Variants in SCAPER observed in about 807,000 individuals in gnomAD.
SCAPER encodes S phase cyclin A-associated protein in the endoplasmic reticulum.
A neutral mutation model predicts 182.2 loss-of-function variants in SCAPER; 98 were observed. The observed-to-expected ratio is 0.54, with a 90% CI of 0.46 to 0.64. SCAPER has a LOEUF of 0.64. Ranked by LOEUF, SCAPER falls within the 30% of genes least tolerant of loss-of-function variation. The pLI is 0.00. For missense variants in SCAPER, 1,432 were observed against 1,690.0 expected (o/e 0.85, Z 2.68); for synonymous variants, 605 against 564.6 (o/e 1.07, Z -1.01).
chr15:76,564,210 C>T (rs8037847), intron 23 of SCAPER, among the ~76,000 whole-genome samples: 49,260 of 151,788 alleles, frequency 0.32, 8,256 homozygotes, highest in East Asian at 0.55. Context: ...CAAATAGAAA[C>T]GGAGGAAGTC....
At chr15:76,390,120 T>G (rs1244297517) in intron 27 of SCAPER, among the ~76,000 whole-genome samples, 2 of 152,036 alleles carry the variant, frequency 1.3e-5, no homozygotes, top group Non-Finnish European at 2.9e-5. Context: ...CTACACCTGG[T>G]TAAGTTTTTA....
In SCAPER at chr15:76,741,798, A is replaced by C. The variant is rs111417267; in HGVS notation, c.1867-8414T>G. ...CATTATCTGAAATATGGAATTCAGTAAAGCAGTTGGTTTGGGATAAAGGAG... is the reference window on the plus strand; with the variant it reads ...CATTATCTGAAATATGGAATTCAGTCAAGCAGTTGGTTTGGGATAAAGGAG... On this transcript the variant is annotated intron_variant, in intron 15 of 31. Coordinates refer to ENST00000563290, the MANE Select transcript of SCAPER (RefSeq NM_020843.4). Among the ~76,000 whole-genome samples, 314 of 152,268 alleles carry C rather than the reference A, an allele frequency of 2.1e-3. 2 individuals carry two copies. Among genetic ancestry groups the C allele is most frequent in the African/African-American group, 7.3e-3 (304 of 41,572 alleles).
intron 24 of SCAPER, among the ~76,000 whole-genome samples, chr15:76,486,023 T>C (rs1052291327): frequency 4.6e-5 from 7 of 152,070 alleles, no homozygotes; most frequent in East Asian, 1.9e-4. Context: ...CTGGCTAACA[T>C]GGTGAAACCC....
At chr15:76,569,395 G>T (rs1482651286) in intron 23 of SCAPER, among the ~76,000 whole-genome samples, 1 of 152,036 alleles carries the variant, frequency 6.6e-6, no homozygotes, top group Admixed American at 6.6e-5. Context: ...CAACTTTGTT[G>T]TGATATATTA....
At chr15:76,438,724 A>G (rs527912555) in intron 25 of SCAPER, among the ~76,000 whole-genome samples, 2 of 152,302 alleles carry the variant, frequency 1.3e-5, no homozygotes, top group Admixed American at 1.3e-4. Flanking sequence ...GAACAGTCCT[A>G]CTTTCTCACC....
intron 2 of SCAPER, among the ~76,000 whole-genome samples, chr15:76,867,299 G>C (rs1265984843): frequency 6.6e-6 from 1 of 151,976 alleles, no homozygotes; most frequent in African/African-American, 2.4e-5. Flanking sequence ...ATGTTTTTCA[G>C]CTTTCTGAAT....
At chr15:76,433,413 CAGA>C (rs1239599494) in intron 26 of SCAPER, among the ~76,000 whole-genome samples, 1 of 152,096 alleles carries the variant, frequency 6.6e-6, no homozygotes, top group African/African-American at 2.4e-5. Flanking sequence ...GAGGCTGAGG[CAGA>C]AGAATTGCTT....
intron 24 of SCAPER, among the ~76,000 whole-genome samples, chr15:76,488,656 T>C (rs2051909456): frequency 6.6e-6 from 1 of 150,744 alleles, no homozygotes; most frequent in Admixed American, 6.6e-5. Context: ...TAGGAAGGGC[T>C]TGTGGGACCA....
rs769052649 is a variant in SCAPER at position 76,471,317 on chromosome 15, G to T, written c.2973C>A (p.Ile991=). 9 of 1,609,648 alleles carry T rather than the reference G, an allele frequency of 5.6e-6. No homozygotes were observed. Among genetic ancestry groups the T allele is most frequent in the South Asian group, 2.2e-5 (2 of 90,232 alleles). The change falls in exon 25 of 32, where the codon ATC becomes ATA. Residue 991 remains isoleucine (I), a synonymous_variant. Coordinates refer to ENST00000563290, the MANE Select transcript of SCAPER (RefSeq NM_020843.4). Reference sequence around the variant, plus strand: ...TATTGCAGGTGAGGTTGTAAACATTGATTGCATTGCAGAGAGACCTAAAAG... The same window carrying T: ...TATTGCAGGTGAGGTTGTAAACATTTATTGCATTGCAGAGAGACCTAAAAG... ...RIPPKSLCNA[I]NVYNLTCNNC... is the part of the protein sequence containing the mutation.
rs113201871 is a variant in SCAPER at position 76,880,722 on chromosome 15, A to G, written c.6+3090T>C. On this transcript the variant is annotated intron_variant, in intron 2 of 31. Coordinates refer to ENST00000563290, the MANE Select transcript of SCAPER (RefSeq NM_020843.4). ...CTAGGATATATTGCTAAGTGAAAAG[A>G]AAAAAAAAAAACTCCCAAGATACTA... is the stretch of plus-strand genomic sequence containing the variant. Among the ~76,000 whole-genome samples the G allele has an allele frequency of 7.1e-3, 1,000 of 141,540 alleles. 12 individuals carry two copies. The highest frequency in any genetic ancestry group is 0.029 in the African/African-American group (954 of 32,930). The allele number at this position is 141,540 out of a possible 152,430, so 92.9% of individuals were successfully genotyped here.
chr15:76,712,995 G>A (rs1429789388), intron 17 of SCAPER, among the ~76,000 whole-genome samples: 3 of 152,144 alleles, frequency 2.0e-5, no homozygotes, highest in Admixed American at 6.5e-5. Flanking sequence ...AGTGGTGAGA[G>A]AGGGCATCCC....
At chr15:76,670,406 A>G (rs2056927876) in intron 20 of SCAPER, among the ~76,000 whole-genome samples, 2 of 152,148 alleles carry the variant, frequency 1.3e-5, no homozygotes. Context: ...TCATGAATAT[A>G]CCTATTTTGA....
intron 15 of SCAPER, 144 bp downstream of exon 15, chr15:76,753,664 G>T: frequency 2.3e-6 from 2 of 859,830 alleles, no homozygotes; most frequent in Non-Finnish European, 3.4e-6. Context: ...TATTGCACCT[G>T]GTAAGTTTTA....
chr15:76,824,115 G>T (rs2067795800), intron 5 of SCAPER, among the ~76,000 whole-genome samples: 1 of 152,160 alleles, frequency 6.6e-6, no homozygotes, highest in South Asian at 2.1e-4. Flanking sequence ...AACAAGACAA[G>T]CAGCTGGAGC....
At chr15:76,472,265 G>A in intron 24 of SCAPER, 2 of 588,278 alleles carry the variant, frequency 3.4e-6, no homozygotes, top group Non-Finnish European at 6.5e-6. Flanking sequence ...AAAAGAAAAA[G>A]GAAAATGCTG....
At chr15:76,420,204 C>A (rs1284408237) in intron 26 of SCAPER, among the ~76,000 whole-genome samples, 4 of 151,480 alleles carry the variant, frequency 2.6e-5, no homozygotes, top group Non-Finnish European at 5.9e-5. Flanking sequence ...GACGAGGATG[C>A]CCACTTTCAC....
chr15:76,599,357 T>C (rs1297120776), intron 22 of SCAPER, among the ~76,000 whole-genome samples: 1 of 122,074 alleles, frequency 8.2e-6, no homozygotes, highest in Non-Finnish European at 2.0e-5. Context: ...GGTCTCGTGG[T>C]TTCTTATAAA....
chr15:76,803,714 T>C (rs1216765573), intron 6 of SCAPER, among the ~76,000 whole-genome samples: 1 of 152,244 alleles, frequency 6.6e-6, no homozygotes, highest in Non-Finnish European at 1.5e-5. Flanking sequence ...TTCTTTTATA[T>C]GTCACTAATC....
intron 1 of SCAPER, among the ~76,000 whole-genome samples, chr15:76,901,181 G>C (rs540417053): frequency 6.6e-6 from 1 of 152,292 alleles, no homozygotes; most frequent in African/African-American, 2.4e-5. Context: ...AGTAAGCTGA[G>C]ATCGCACCAC....
Sources: allele counts gnomAD v4.1 joint callset (sites outside exome capture counted in the v4.1 genomes callset), GRCh38; gene constraint gnomAD v4.1.1; transcripts MANE v1.5; gene names NCBI Gene and HGNC (gene_info 2026-07-23, HGNC 2026-07-21).